The following MAP7 variants were observed in gnomAD, a reference collection of about 807,000 sequenced individuals.
MAP7 encodes the protein ensconsin.
In MAP7, 52 loss-of-function variants were observed where a neutral mutation model predicts 94.8. That is an observed-to-expected ratio of 0.55 (90% CI 0.44 to 0.69). The LOEUF is 0.69. MAP7 is among the 30% of genes least tolerant of loss of function. MAP7 has a pLI of 0.00. For missense variants in MAP7, 940 were observed against 964.6 expected (o/e 0.97, Z 0.34); for synonymous variants, 350 against 357.0 (o/e 0.98, Z 0.22).
At chr6:136,528,417 G>A (rs1274280828) in intron 1 of MAP7, among the ~76,000 whole-genome samples, 1 of 152,124 alleles carries the variant, frequency 6.6e-6, no homozygotes, top group Non-Finnish European at 1.5e-5. Flanking sequence ...AAACACAGGT[G>A]TAATATACAT....
intron 1 of MAP7, among the ~76,000 whole-genome samples, chr6:136,484,648 A>G (rs1814042909): frequency 6.6e-6 from 1 of 152,176 alleles, no homozygotes; most frequent in South Asian, 2.1e-4. Flanking sequence ...TTAAACCGTG[A>G]ATCATAATAT....
intron 1 of MAP7, among the ~76,000 whole-genome samples, chr6:136,448,702 G>A (rs900152828): frequency 2.0e-5 from 3 of 151,838 alleles, no homozygotes; most frequent in East Asian, 1.9e-4. Flanking sequence ...CGTGGCCACC[G>A]TGCCTAGCAA....
chr6:136,416,207 C>A (rs11969177), intron 2 of MAP7, among the ~76,000 whole-genome samples: 3,474 of 152,250 alleles, frequency 0.023, 136 homozygotes, highest in African/African-American at 0.078. Flanking sequence ...AATGAACAAA[C>A]AACGAACAAC....
At chr6:136,420,177 T>C (rs1790835289) in intron 2 of MAP7, 3 of 979,336 alleles carry the variant, frequency 3.1e-6, no homozygotes, top group Non-Finnish European at 5.0e-6. Flanking sequence ...TTATCTGCAG[T>C]GGGCCCCCAG....
chr6:136,433,553 C>T (rs1582898408), intron 1 of MAP7, among the ~76,000 whole-genome samples: 1 of 152,164 alleles, frequency 6.6e-6, no homozygotes. Context: ...TGGTACATAG[C>T]GTAACAGTGA....
intron 3 of MAP7, among the ~76,000 whole-genome samples, chr6:136,402,866 A>G (rs144479571): frequency 0.014 from 1,907 of 132,534 alleles, 47 homozygotes; most frequent in African/African-American, 0.051. Flanking sequence ...AGATAGCGCC[A>G]CTGCACTCCG....
chr6:136,410,563 G>A (rs1213870161), intron 3 of MAP7, among the ~76,000 whole-genome samples: 4 of 152,224 alleles, frequency 2.6e-5, no homozygotes, highest in African/African-American at 7.2e-5. Context: ...AGCAGAGCAT[G>A]TTCACTTCCA....
intron 16 of MAP7, among the ~76,000 whole-genome samples, chr6:136,346,939 T>A (rs142199345): frequency 1.3e-5 from 2 of 152,356 alleles, no homozygotes; most frequent in Middle Eastern, 3.4e-3. Context: ...CATAATTTCA[T>A]ATGTAAATTT....
intron 1 of MAP7, among the ~76,000 whole-genome samples, chr6:136,541,263 AG>A (rs1205662328): frequency 6.6e-6 from 1 of 152,150 alleles, no homozygotes; most frequent in African/African-American, 2.4e-5. Flanking sequence ...CTTCATGATG[AG>A]GGGTGGAGGT....
chr6:136,527,026 C>T (rs1470192936), intron 1 of MAP7, among the ~76,000 whole-genome samples: 1 of 152,124 alleles, frequency 6.6e-6, no homozygotes, highest in African/African-American at 2.4e-5. Context: ...AGGACAGAAC[C>T]TATACTGGGG....
At chr6:136,372,929 A>T (rs1271629915) in intron 7 of MAP7, among the ~76,000 whole-genome samples, 4 of 152,224 alleles carry the variant, frequency 2.6e-5, no homozygotes, top group Non-Finnish European at 5.9e-5. Context: ...GAAGTAATCC[A>T]GTAATTATGG....
chr6:136,512,998 G>GGTTTGGTTTTGTTTT (rs1554269751), intron 1 of MAP7, among the ~76,000 whole-genome samples: 1 of 151,242 alleles, frequency 6.6e-6, no homozygotes, highest in African/African-American at 2.5e-5. Context: ...CACCAAGCTA[G>GGTTTGGTTTTGTTTT]GTTTTGTTTT....
chr6:136,389,456 G>A lies in MAP7; in HGVS notation c.306C>T (p.His102=). Residue 102 remains histidine (H), a synonymous_variant, in exon 4 of 18, where the codon CAC becomes CAT. Transcript: ENST00000354570. ...CCAACCTCTTCTTCCGCTCTTCCAG[G>A]TGCTTCTCGTAGTGCTGCCTGGCTC... The part of the protein sequence containing the change: ...EERARQHYEK[H]LEERKKRLEE... 6.2e-7 allele frequency: 1 copy of A among 1,609,420 alleles called. No individual in the cohort carries two copies. Among genetic ancestry groups the A allele is most frequent in the Non-Finnish European group, 8.5e-7 (1 of 1,178,374 alleles).
intron 1 of MAP7, among the ~76,000 whole-genome samples, chr6:136,487,907 T>G (rs1815282543): frequency 6.6e-6 from 1 of 152,260 alleles, no homozygotes; most frequent in South Asian, 2.1e-4. Flanking sequence ...TACGCTAATA[T>G]ACAGAGCGGA....
chr6:136,497,536 A>C (rs1029499309), intron 1 of MAP7, among the ~76,000 whole-genome samples: 3 of 151,674 alleles, frequency 2.0e-5, no homozygotes, highest in Non-Finnish European at 1.5e-5. Flanking sequence ...AAAAAAAAAA[A>C]AAATGCAGAT....
intron 1 of MAP7, among the ~76,000 whole-genome samples, chr6:136,498,852 C>T (rs1286605329): frequency 2.0e-5 from 3 of 151,956 alleles, no homozygotes; most frequent in African/African-American, 7.3e-5. Flanking sequence ...GTAGAAAAGG[C>T]TTCAGTTTGA....
At chr6:136,376,867 TA>T (rs1421521919) in intron 7 of MAP7, among the ~76,000 whole-genome samples, 44 of 152,284 alleles carry the variant, frequency 2.9e-4, no homozygotes, top group African/African-American at 1.0e-3. Context: ...AATTATTACT[TA>T]AAAGCAGGCT....
chr6:136,527,970 C>T (rs1014161151), intron 1 of MAP7, among the ~76,000 whole-genome samples: 2 of 152,158 alleles, frequency 1.3e-5, no homozygotes, highest in Admixed American at 1.3e-4. Context: ...TAAATTGTGT[C>T]AATCTGTGCA....
chr6:136,406,592 G>A (rs570528510), intron 3 of MAP7, among the ~76,000 whole-genome samples: 7 of 152,220 alleles, frequency 4.6e-5, no homozygotes, highest in East Asian at 3.9e-4. Context: ...AGGTCAAGGC[G>A]GGCAAATCCC....
Sources: allele counts gnomAD v4.1 joint callset (sites outside exome capture counted in the v4.1 genomes callset), GRCh38; gene constraint gnomAD v4.1.1; transcripts MANE v1.5; gene names NCBI Gene and HGNC (gene_info 2026-07-23, HGNC 2026-07-21).